OLFM3: variants seen among roughly 807,000 people sequenced by gnomAD.
OLFM3 encodes the protein olfactomedin 3, also known as noelin-3.
Under a neutral mutation model 48.6 loss-of-function variants are expected in OLFM3, and 20 were observed. The observed-to-expected ratio is 0.41, with a 90% confidence interval of 0.29 to 0.60. The LOEUF is 0.60. Ranked by LOEUF, OLFM3 falls within the 20% of genes least tolerant of loss-of-function variation. The pLI, the probability that OLFM3 is intolerant of heterozygous loss-of-function variation, is 0.28. For missense variants in OLFM3, 437 were observed against 544.3 expected, an observed-to-expected ratio of 0.80 and a Z score of 1.96; for synonymous variants, 222 against 198.1, an observed-to-expected ratio of 1.12 and a Z score of -1.01.
chr1:101,885,179 A>C (rs1657698316), intron 1 of OLFM3, among the ~76,000 whole-genome samples: 1 of 151,842 alleles, frequency 6.6e-6, no homozygotes, highest in Non-Finnish European at 1.5e-5. Flanking sequence ...TGGATATGGC[A>C]AAAAAAGGTG....
intron 1 of OLFM3, among the ~76,000 whole-genome samples, chr1:101,849,328 A>G (rs954101641): frequency 1.3e-5 from 2 of 152,196 alleles, no homozygotes; most frequent in Admixed American, 6.5e-5. Context: ...GGATTAGTCT[A>G]TTGAGAAGTA....
chr1:101,958,272 T>G (rs1323721860), intron 1 of OLFM3, among the ~76,000 whole-genome samples: 1 of 152,144 alleles, frequency 6.6e-6, no homozygotes, highest in East Asian at 1.9e-4. Flanking sequence ...TAAAAATCTT[T>G]GCAATATTAG....
intron 2 of OLFM3, among the ~76,000 whole-genome samples, chr1:101,832,373 C>T (rs1364499036): frequency 6.6e-6 from 1 of 152,164 alleles, no homozygotes; most frequent in African/African-American, 2.4e-5. Flanking sequence ...TGATACATTC[C>T]TTAGAACTAT....
chr1:101,918,018 C>CTTTGGGAG (rs1443066211), intron 1 of OLFM3, among the ~76,000 whole-genome samples: 3 of 152,020 alleles, frequency 2.0e-5, no homozygotes, highest in Non-Finnish European at 2.9e-5. Flanking sequence ...TCGTTCTTCC[C>CTTTGGGAG]TTTGGGAGTT....
intron 1 of OLFM3, among the ~76,000 whole-genome samples, chr1:101,992,905 G>A (rs190354827): frequency 1.3e-5 from 2 of 152,266 alleles, no homozygotes; most frequent in Admixed American, 1.3e-4. Context: ...CCACAGTTTG[G>A]TGATGGAGAT....
At chr1:101,928,346 G>A (rs1659339638) in intron 1 of OLFM3, among the ~76,000 whole-genome samples, 1 of 152,042 alleles carries the variant, frequency 6.6e-6, no homozygotes, top group Non-Finnish European at 1.5e-5. Flanking sequence ...TCTTTTTGTA[G>A]GATTATAGAG....
intron 1 of OLFM3, among the ~76,000 whole-genome samples, chr1:101,902,043 C>G (rs1658404074): frequency 6.6e-6 from 1 of 151,670 alleles, no homozygotes; most frequent in African/African-American, 2.4e-5. Context: ...GAACTTGTCT[C>G]TGATGAGAGA....
At chr1:101,836,428 G>A (rs1047581999) in intron 2 of OLFM3, among the ~76,000 whole-genome samples, 3 of 152,216 alleles carry the variant, frequency 2.0e-5, no homozygotes, top group Admixed American at 2.0e-4. Flanking sequence ...CTTAGAGAAT[G>A]ATGATAAACA....
intron 1 of OLFM3, among the ~76,000 whole-genome samples, chr1:101,970,929 T>C (rs922211377): frequency 2.7e-5 from 4 of 146,780 alleles, no homozygotes; most frequent in Admixed American, 6.9e-5. Context: ...TAAAGCACCT[T>C]ACTGCTGTGT....
chr1:101,865,726 G>A (rs922745861), intron 1 of OLFM3, among the ~76,000 whole-genome samples: 4 of 152,186 alleles, frequency 2.6e-5, no homozygotes, highest in African/African-American at 9.7e-5. Context: ...ACTGGCTGTA[G>A]TGCTATCATT....
intron 1 of OLFM3, among the ~76,000 whole-genome samples, chr1:101,883,910 A>G (rs1022658368): frequency 6.6e-6 from 1 of 151,956 alleles, no homozygotes; most frequent in Middle Eastern, 3.2e-3. Flanking sequence ...ATCTGGCCTT[A>G]CAAATGGAAA....
chr1:101,935,107 A>T (rs1367112470), intron 1 of OLFM3, among the ~76,000 whole-genome samples: 1 of 152,088 alleles, frequency 6.6e-6, no homozygotes, highest in South Asian at 2.1e-4. Context: ...GAAGACAAGA[A>T]AAAACCAAAA....
chr1:101,806,317 T>C, intron 4 of OLFM3, 135 bp from the exon 5 acceptor site: 1 of 665,698 alleles, frequency 1.5e-6, no homozygotes, highest in African/African-American at 1.8e-5. Context: ...TCTGAATAAA[T>C]GATTATTCAC....
chr1:101,961,325 C>T (rs1660460784), intron 1 of OLFM3, among the ~76,000 whole-genome samples: 1 of 151,932 alleles, frequency 6.6e-6, no homozygotes, highest in Non-Finnish European at 1.5e-5. Context: ...TGATCAAAGT[C>T]ATTTGTAAAT....
At chr1:101,876,395 A>G (rs1362375185) in intron 1 of OLFM3, among the ~76,000 whole-genome samples, 1 of 151,978 alleles carries the variant, frequency 6.6e-6, no homozygotes, top group East Asian at 1.9e-4. Context: ...AAAGATGGCT[A>G]TTGGGCCACT....
chr1:101,970,812 G>T (rs80064122), intron 1 of OLFM3, among the ~76,000 whole-genome samples: 1 of 152,190 alleles, frequency 6.6e-6, no homozygotes, highest in Non-Finnish European at 1.5e-5. Context: ...TTGAAGCATG[G>T]GTGGGAGTTT....
At chr1:101,827,110 T>G (rs17125532) in intron 3 of OLFM3, among the ~76,000 whole-genome samples, 1,813 of 152,336 alleles carry the variant, frequency 0.012, 42 homozygotes, top group African/African-American at 0.042. Context: ...CATAGACCTG[T>G]GTTTGCTAAT....
intron 1 of OLFM3, among the ~76,000 whole-genome samples, chr1:101,871,866 T>C (rs1657096895): frequency 6.6e-6 from 1 of 152,104 alleles, no homozygotes; most frequent in South Asian, 2.1e-4. Flanking sequence ...TAGCTACTTA[T>C]GTGATAGAAC....
At chr1:101,822,989 CT>C (rs1315775759) in intron 4 of OLFM3, among the ~76,000 whole-genome samples, 3 of 151,976 alleles carry the variant, frequency 2.0e-5, no homozygotes, top group Admixed American at 2.0e-4. Flanking sequence ...AGATGCATTT[CT>C]TGTTATGAGT....
Sources: allele counts gnomAD v4.1 joint callset (sites outside exome capture counted in the v4.1 genomes callset), GRCh38; gene constraint gnomAD v4.1.1; transcripts MANE v1.5; gene names NCBI Gene and HGNC (gene_info 2026-07-23, HGNC 2026-07-21).